Variants in ZNF385B observed in about 807,000 individuals in gnomAD.
ZNF385B encodes the protein zinc finger protein 385B, also known as zinc finger protein 533.
ZNF385B carries 23 observed loss-of-function variants against 39.2 expected under a neutral mutation model. The ratio of observed to expected loss-of-function variants is 0.59; its 90% CI spans 0.42 to 0.83. The LOEUF is 0.83. ZNF385B is among the 40% of genes least tolerant of loss of function. The pLI is 0.00. For missense variants in ZNF385B, 552 were observed against 598.9 expected (o/e 0.92, Z 0.82); for synonymous variants, 205 against 222.6 (o/e 0.92, Z 0.70).
intron 3 of ZNF385B, among the ~76,000 whole-genome samples, chr2:179,649,671 T>C (rs961200645): frequency 1.2e-4 from 18 of 152,190 alleles, no homozygotes; most frequent in African/African-American, 4.3e-4. Context: ...GTATATATGT[T>C]TGCATGTTGT....
At chr2:179,820,944 T>A (rs1201556507) in intron 1 of ZNF385B, among the ~76,000 whole-genome samples, 2 of 152,188 alleles carry the variant, frequency 1.3e-5, no homozygotes, top group Non-Finnish European at 2.9e-5. Flanking sequence ...GCCACATTTA[T>A]TTTTCATATT....
intron 3 of ZNF385B, among the ~76,000 whole-genome samples, chr2:179,647,272 CTT>C (rs11362728): frequency 2.9e-4 from 44 of 149,692 alleles, no homozygotes; most frequent in African/African-American, 9.5e-4. Context: ...TTCCTTTAAT[CTT>C]TTTTTTTTGA....
chr2:179,572,732 C>T (rs1024420611), intron 3 of ZNF385B, among the ~76,000 whole-genome samples: 5 of 152,072 alleles, frequency 3.3e-5, no homozygotes, highest in Non-Finnish European at 5.9e-5. Flanking sequence ...CTGAAAACCC[C>T]TCCAACTCAG....
intron 1 of ZNF385B, among the ~76,000 whole-genome samples, chr2:179,821,302 T>C (rs1707380422): frequency 6.6e-6 from 1 of 152,166 alleles, no homozygotes; most frequent in East Asian, 1.9e-4. Flanking sequence ...GTGAATTTCT[T>C]TAAAGCCATT....
At chr2:179,817,579 G>A (rs76433126) in intron 1 of ZNF385B, among the ~76,000 whole-genome samples, 6,010 of 152,198 alleles carry the variant, frequency 0.039, 358 homozygotes, top group Admixed American at 0.16. Flanking sequence ...AGGCAGAAAA[G>A]TCAGAGGTCA....
At chr2:179,782,071 T>C (rs1040524050) in intron 1 of ZNF385B, among the ~76,000 whole-genome samples, 6 of 152,182 alleles carry the variant, frequency 3.9e-5, no homozygotes, top group African/African-American at 1.2e-4. Context: ...TGAACATTGA[T>C]GCAAACATCC....
intron 3 of ZNF385B, among the ~76,000 whole-genome samples, chr2:179,736,696 G>C (rs549582738): frequency 6.6e-6 from 1 of 152,250 alleles, no homozygotes; most frequent in East Asian, 1.9e-4. Context: ...AGGGCCAGGC[G>C]TGTAGGCTCA....
intron 3 of ZNF385B, among the ~76,000 whole-genome samples, chr2:179,585,586 A>G (rs1169256208): frequency 6.6e-6 from 1 of 152,248 alleles, no homozygotes; most frequent in Non-Finnish European, 1.5e-5. Context: ...ATCTAAAAAT[A>G]TATTTCCATT....
chr2:179,638,421 G>A (rs1691957380), intron 3 of ZNF385B, among the ~76,000 whole-genome samples: 1 of 152,220 alleles, frequency 6.6e-6, no homozygotes. Context: ...CTTGGTAGCA[G>A]TCCCGGTGTA....
chr2:179,519,176 G>A (rs527421048), intron 4 of ZNF385B, among the ~76,000 whole-genome samples: 1 of 152,170 alleles, frequency 6.6e-6, no homozygotes, highest in Non-Finnish European at 1.5e-5. Flanking sequence ...CCTGTATGAG[G>A]CAACAATACT....
At chr2:179,713,903 T>C (rs1207451728) in intron 3 of ZNF385B, among the ~76,000 whole-genome samples, 1 of 152,352 alleles carries the variant, frequency 6.6e-6, no homozygotes, top group East Asian at 1.9e-4. Context: ...TTTTGCCCTA[T>C]ATAAGGTTAG....
chr2:179,799,953 A>G (rs1433902932), intron 1 of ZNF385B, among the ~76,000 whole-genome samples: 1 of 152,144 alleles, frequency 6.6e-6, no homozygotes, highest in East Asian at 1.9e-4. Context: ...TGGATTTGAC[A>G]TTCAATTCTG....
At chr2:179,589,075 G>A (rs1023149413) in intron 3 of ZNF385B, among the ~76,000 whole-genome samples, 6 of 152,012 alleles carry the variant, frequency 3.9e-5, no homozygotes, top group African/African-American at 1.4e-4. Flanking sequence ...GAGTTAACTG[G>A]TACCCCATAT....
intron 6 of ZNF385B, among the ~76,000 whole-genome samples, chr2:179,471,855 C>T (rs889358847): frequency 5.9e-5 from 9 of 152,112 alleles, no homozygotes; most frequent in African/African-American, 1.4e-4. Flanking sequence ...TGTCTGTGCC[C>T]GTCATTTCAT....
chr2:179,798,621 AAT>A (rs1705831437), intron 1 of ZNF385B, among the ~76,000 whole-genome samples: 1 of 152,064 alleles, frequency 6.6e-6, no homozygotes, highest in African/African-American at 2.4e-5. Context: ...TCAGGATCAC[AAT>A]ATGATTACTA....
At chr2:179,730,600 T>C (rs1188434980) in intron 3 of ZNF385B, among the ~76,000 whole-genome samples, 2 of 152,150 alleles carry the variant, frequency 1.3e-5, no homozygotes, top group African/African-American at 2.4e-5. Context: ...TCAAAGCCAC[T>C]AATTAACTTC....
At chr2:179,763,934 T>C (rs1330914375) in intron 3 of ZNF385B, among the ~76,000 whole-genome samples, 1 of 152,194 alleles carries the variant, frequency 6.6e-6, no homozygotes, top group Non-Finnish European at 1.5e-5. Flanking sequence ...AAAAATAGTG[T>C]TATACTGTTA....
At chr2:179,594,875 T>C (rs926603078) in intron 3 of ZNF385B, among the ~76,000 whole-genome samples, 1 of 151,826 alleles carries the variant, frequency 6.6e-6, no homozygotes, top group Non-Finnish European at 1.5e-5. Flanking sequence ...GGCCTAATCA[T>C]GGTTTACTGC....
intron 3 of ZNF385B, among the ~76,000 whole-genome samples, chr2:179,681,717 T>C (rs1413097635): frequency 6.6e-6 from 1 of 152,204 alleles, no homozygotes; most frequent in African/African-American, 2.4e-5. Flanking sequence ...CAGAGTTTTA[T>C]AAAACTGATC....
Sources: gnomAD v4.1 joint callset for allele counts (sites outside exome capture counted in the v4.1 genomes callset) on GRCh38, gnomAD v4.1.1 for gene constraint, MANE v1.5 for transcripts, NCBI Gene and HGNC (gene_info 2026-07-23, HGNC 2026-07-21) for gene names.